ARHGAP10: variants seen among roughly 807,000 people sequenced by gnomAD.
ARHGAP10 encodes the protein rho GTPase-activating protein 10.
ARHGAP10 carries 87 observed loss-of-function variants against 108.6 expected under a neutral mutation model. The observed-to-expected ratio is 0.80, with a 90% CI of 0.67 to 0.96. ARHGAP10 has a LOEUF of 0.96. ARHGAP10 is among the 40% of genes least tolerant of loss of function. The pLI, the probability that ARHGAP10 is intolerant of heterozygous loss-of-function variation, is 0.00. For missense variants in ARHGAP10, 939 were observed against 954.5 expected (o/e 0.98, Z 0.21); for synonymous variants, 347 against 341.1 (o/e 1.02, Z -0.19).
In ARHGAP10 at chr4:147,865,085, A is replaced by G. The variant is rs1039337989; in HGVS notation, c.597+129A>G. 6.4e-6 allele frequency: 5 copies of G among 783,256 alleles called. No homozygotes were observed. The African/African-American group carries it at 8.8e-5, about 14-fold the overall frequency. 48.5% of individuals were successfully genotyped at this position (783,256 alleles called of 1,614,324 possible). ...CATAAACATGAAAGAGACATATTAA[A>G]AAGGGCAGACACAGATAGCCATGAA... On this transcript the variant is annotated intron_variant, in intron 6 of 22. Coordinates refer to ENST00000336498, the MANE Select transcript of ARHGAP10 (RefSeq NM_024605.4).
intron 18 of ARHGAP10, among the ~76,000 whole-genome samples, chr4:147,994,428 AT>A (rs1169555419): frequency 2.0e-5 from 3 of 152,236 alleles, no homozygotes; most frequent in African/African-American, 7.2e-5. Context: ...CTTATTCTTA[AT>A]TACCAGAAGT....
chr4:147,871,235 G>A (rs992425319), intron 7 of ARHGAP10, among the ~76,000 whole-genome samples: 5 of 152,070 alleles, frequency 3.3e-5, no homozygotes, highest in African/African-American at 7.2e-5. Flanking sequence ...TGGGATTATA[G>A]GTGTGAGCCA....
intron 1 of ARHGAP10, among the ~76,000 whole-genome samples, chr4:147,737,996 C>G (rs1438764680): frequency 6.6e-6 from 1 of 151,426 alleles, no homozygotes; most frequent in East Asian, 1.9e-4. Context: ...CTTTGACCAG[C>G]TCCTTGTCGC....
intron 19 of ARHGAP10, among the ~76,000 whole-genome samples, chr4:148,039,048 C>T (rs1027802269): frequency 1.3e-5 from 2 of 152,094 alleles, no homozygotes; most frequent in Non-Finnish European, 2.9e-5. Context: ...GATCTACCCA[C>T]CCCCACCATG....
rs1444005553 is a variant in ARHGAP10, at chr4:147,965,144, C to A, written c.1556+15C>A. 5 of 1,583,474 alleles carry A rather than the reference C, an allele frequency of 3.2e-6. No homozygotes were observed. In the African/African-American group the frequency reaches 5.4e-5, roughly 17 times the overall value. On this transcript the variant is annotated intron_variant, in intron 17 of 22. Coordinates refer to ENST00000336498, the MANE Select transcript of ARHGAP10 (RefSeq NM_024605.4). ...CACTTAACAAAGTAAGCCTCTTTTT[C>A]TTCGTTTTAACTTTCTTCACTTTGC...
At chr4:147,747,214 T>G (rs1215533263) in intron 1 of ARHGAP10, among the ~76,000 whole-genome samples, 2 of 152,076 alleles carry the variant, frequency 1.3e-5, no homozygotes, top group African/African-American at 4.8e-5. Flanking sequence ...ACCGGAGTCA[T>G]GCTGATTCTC....
At chr4:147,933,619 G>A (rs963354750) in intron 13 of ARHGAP10, among the ~76,000 whole-genome samples, 2 of 150,654 alleles carry the variant, frequency 1.3e-5, no homozygotes, top group Non-Finnish European at 3.0e-5. Context: ...AGAAGTTGAC[G>A]TGGCTTTCTG....
chr4:147,859,915 A>G (rs554571101), intron 5 of ARHGAP10, among the ~76,000 whole-genome samples: 12 of 152,340 alleles, frequency 7.9e-5, no homozygotes, highest in Admixed American at 7.2e-4. Context: ...ACAAACTTAC[A>G]TGCTCTCACT....
At chr4:147,882,316 A>G (rs1735358717) in intron 10 of ARHGAP10, among the ~76,000 whole-genome samples, 1 of 152,082 alleles carries the variant, frequency 6.6e-6, no homozygotes, top group Admixed American at 6.5e-5. Context: ...CAAAAAAATT[A>G]GCCAGGCGTG....
intron 1 of ARHGAP10, among the ~76,000 whole-genome samples, chr4:147,757,010 AGAGAGT>A (rs1303283028): frequency 2.0e-5 from 3 of 151,776 alleles, no homozygotes; most frequent in Non-Finnish European, 2.9e-5. Context: ...GCAGTTGCAG[AGAGAGT>A]GAGAGCGAGA....
In ARHGAP10 at chr4:147,913,925, G is replaced by A. The variant is rs376899579; in HGVS notation, c.1228+786G>A. On this transcript the variant is annotated intron_variant, in intron 13 of 22. Coordinates refer to ENST00000336498, the MANE Select transcript of ARHGAP10 (RefSeq NM_024605.4). ...CCCAGCACTTTGGGAGGCTGCGGTG[G>A]GCAGATCACCTGAGGCTGGGAGTTC... Among the ~76,000 whole-genome samples the A allele has an allele frequency of 6.4e-4, 97 of 152,244 alleles. No individual in the cohort carries two copies. In the South Asian group the frequency reaches 7.3e-3, roughly 11 times the overall value.
intron 7 of ARHGAP10, among the ~76,000 whole-genome samples, chr4:147,868,081 G>A (rs1267865691): frequency 6.6e-6 from 1 of 152,030 alleles, no homozygotes; most frequent in African/African-American, 2.4e-5. Flanking sequence ...TTCTGCTGCT[G>A]TGGTCTCACA....
chr4:147,756,671 AG>A (rs1455098195), intron 1 of ARHGAP10, among the ~76,000 whole-genome samples: 2 of 152,194 alleles, frequency 1.3e-5, no homozygotes, highest in East Asian at 3.8e-4. Flanking sequence ...TTGTATGTAT[AG>A]GAAGAAATAG....
chr4:147,798,723 C>CA (rs1207615144), intron 1 of ARHGAP10, among the ~76,000 whole-genome samples: 1 of 97,218 alleles, frequency 1.0e-5, no homozygotes, highest in Admixed American at 1.1e-4. Context: ...GAGTTTGAGA[C>CA]ACTCTCTCTC....
intron 20 of ARHGAP10, among the ~76,000 whole-genome samples, chr4:148,048,064 C>T (rs866462374): frequency 5.9e-5 from 9 of 152,136 alleles, no homozygotes; most frequent in African/African-American, 1.4e-4. Context: ...CTCAAGTGAT[C>T]CACCCGCCTT....
In ARHGAP10 at chr4:147,768,671, T is replaced by A. The variant is rs1193083548; in HGVS notation, c.154+36216T>A. Among the ~76,000 whole-genome samples the A allele has an allele frequency of 3.3e-5, 5 of 152,212 alleles. 1 individual carries two copies. In the South Asian group the frequency reaches 8.3e-4, roughly 25 times the overall value. On this transcript the variant is annotated intron_variant, in intron 1 of 22. Coordinates refer to ENST00000336498, the MANE Select transcript of ARHGAP10 (RefSeq NM_024605.4). Reference sequence around the variant, plus strand: ...TAGAAATTGTAGAAGCTGAATAAATTTGGTGACAACTTTGTTTTTGAGTTT... The same window carrying A: ...TAGAAATTGTAGAAGCTGAATAAATATGGTGACAACTTTGTTTTTGAGTTT...
chr4:147,866,913 G>T (rs1483452579), intron 7 of ARHGAP10, 97 bp downstream of exon 7: 1 of 1,060,394 alleles, frequency 9.4e-7, no homozygotes, highest in Non-Finnish European at 1.4e-6. Flanking sequence ...AGACAATGCT[G>T]ATCTGTTTGT....
At position 147,732,347 on chromosome 4, in the gene ARHGAP10, C is replaced by T; in HGVS notation, c.46C>T (p.Pro16Ser). The change falls in exon 1 of 23, where the codon CCG becomes TCG. Residue 16 changes from proline (P) to serine (S), a missense_variant. Pro to Ser is a moderately conservative substitution (Grantham distance 74). Transcript: ENST00000336498. Reference sequence around the variant, plus strand: ...GTTCAGCGACTGCTACCTCGACAGCCCGTGGTTCCGGGAGAGGATCCGCGC... The same window carrying T: ...GTTCAGCGACTGCTACCTCGACAGCTCGTGGTTCCGGGAGAGGATCCGCGC... ...LEFSDCYLDSPWFRERIRAHE... is the reference protein window; with the variant it reads ...LEFSDCYLDSSWFRERIRAHE... 1.9e-6 allele frequency: 3 copies of T among 1,613,450 alleles called. No homozygotes were observed. Among genetic ancestry groups the T allele is most frequent in the Non-Finnish European group, 2.5e-6 (3 of 1,179,644 alleles).
At chr4:147,893,871 C>T (rs917491882) in intron 10 of ARHGAP10, among the ~76,000 whole-genome samples, 1 of 152,138 alleles carries the variant, frequency 6.6e-6, no homozygotes, top group Admixed American at 6.5e-5. Context: ...ATATAGGTCT[C>T]TGTGTTTTTC....
Sources: allele counts gnomAD v4.1 joint callset (sites outside exome capture counted in the v4.1 genomes callset), GRCh38; gene constraint gnomAD v4.1.1; transcripts MANE v1.5; gene names NCBI Gene and HGNC (gene_info 2026-07-23, HGNC 2026-07-21).